TMEM232: variants seen among roughly 807,000 people sequenced by gnomAD.
The protein encoded by TMEM232 is transmembrane protein 232.
A neutral mutation model predicts 78.8 loss-of-function variants in TMEM232; 80 were observed. The observed-to-expected ratio is 1.01, with a 90% confidence interval of 0.85 to 1.22. The LOEUF (loss-of-function observed/expected upper bound fraction) is 1.22, where lower values mean the gene tolerates loss of function less well. Among genes scored for constraint, TMEM232 ranks in the 50% most tolerant of loss-of-function variants. The pLI is 0.00. For synonymous variants in TMEM232, 297 were observed against 254.3 expected (o/e 1.17, Z -1.60); for missense variants, 881 against 742.2 (o/e 1.19, Z -2.17).
At chr5:110,666,580 T>C (rs887184699) in intron 2 of TMEM232, 5 of 152,260 alleles carry the variant, frequency 3.3e-5, no homozygotes, top group African/African-American at 7.2e-5. Context: ...ATGCACTGAC[T>C]AGGTTTACTT....
chr5:110,452,971 A>G (rs1760485635), intron 12 of TMEM232, among the ~76,000 whole-genome samples: 2 of 152,206 alleles, frequency 1.3e-5, no homozygotes, highest in Non-Finnish European at 2.9e-5. Context: ...TGATTGAAGT[A>G]CCTGGAAAAC....
At position 110,454,713 on chromosome 5, in the gene TMEM232, T is replaced by C. The variant is rs139287413; in HGVS notation, c.1704-29797A>G. Among the ~76,000 whole-genome samples, 939 of 152,046 alleles carry C rather than the reference T, an allele frequency of 6.2e-3. 8 individuals are homozygous for C. Among genetic ancestry groups the C allele is most frequent in the South Asian group, 0.015 (70 of 4,822 alleles). The stretch of plus-strand genomic sequence containing the variant: ...AGAGGAAAATGTATAAAGGAAGGTG[T>C]GTAACATTAAATGTTTATATTAGAA... On this transcript the variant is annotated intron_variant, in intron 12 of 13. Transcript: ENST00000455884.
chr5:110,658,718 T>C (rs924540492), intron 2 of TMEM232, among the ~76,000 whole-genome samples: 1 of 152,268 alleles, frequency 6.6e-6, no homozygotes, highest in South Asian at 2.1e-4. Flanking sequence ...ATGTAATTAT[T>C]AATCCCAAAG....
chr5:110,505,260 G>C (rs956401823), intron 12 of TMEM232, among the ~76,000 whole-genome samples: 7 of 152,138 alleles, frequency 4.6e-5, no homozygotes, highest in African/African-American at 1.7e-4. Flanking sequence ...TCTTCCGTGG[G>C]AATGACTCTT....
chr5:110,656,537 C>A (rs114715977), intron 2 of TMEM232, among the ~76,000 whole-genome samples: 1,781 of 152,094 alleles, frequency 0.012, 43 homozygotes, highest in African/African-American at 0.04. Context: ...AATATCAAGA[C>A]TAAATACAAA....
chr5:110,738,891 A>T, upstream of TMEM232: 1 of 1,117,744 alleles, frequency 8.9e-7, no homozygotes, highest in Non-Finnish European at 1.2e-6. Context: ...ACAAACTTTT[A>T]AGGTCCAGGT....
chr5:110,505,632 G>A (rs554613564), intron 12 of TMEM232, among the ~76,000 whole-genome samples: 73 of 152,018 alleles, frequency 4.8e-4, no homozygotes, highest in African/African-American at 1.5e-3. Flanking sequence ...TCAGCCTCCC[G>A]AGCAGCTGGA....
chr5:110,719,178 T>C (rs1020009285), intron 1 of TMEM232, among the ~76,000 whole-genome samples: 1 of 151,802 alleles, frequency 6.6e-6, no homozygotes, highest in Non-Finnish European at 1.5e-5. Flanking sequence ...TATATACATA[T>C]GTATATACAT....
intron 2 of TMEM232, among the ~76,000 whole-genome samples, chr5:110,406,554 T>C (rs1164840145): frequency 6.6e-6 from 1 of 151,956 alleles, no homozygotes; most frequent in Non-Finnish European, 1.5e-5. Context: ...ATATGATGGA[T>C]AAAGTCCTTC....
At chr5:110,561,711 T>C (rs1009698558) in intron 11 of TMEM232, among the ~76,000 whole-genome samples, 4 of 152,086 alleles carry the variant, frequency 2.6e-5, no homozygotes, top group African/African-American at 9.7e-5. Flanking sequence ...GAACAGAGAA[T>C]GGTTCTACTG....
At chr5:110,560,519 T>C (rs76828397) in intron 11 of TMEM232, among the ~76,000 whole-genome samples, 4,049 of 152,114 alleles carry the variant, frequency 0.027, 182 homozygotes, top group African/African-American at 0.091. Flanking sequence ...ATTTGAGCAA[T>C]AGCAACAAAA....
chr5:110,460,711 A>G (rs555109545), intron 12 of TMEM232, among the ~76,000 whole-genome samples: 18 of 149,358 alleles, frequency 1.2e-4, no homozygotes, highest in African/African-American at 4.0e-4. Flanking sequence ...TGGCAACTTT[A>G]TATCGAGCAA....
intron 1 of TMEM232, among the ~76,000 whole-genome samples, chr5:110,670,342 A>T (rs1459386007): frequency 3.3e-5 from 5 of 152,196 alleles, no homozygotes; most frequent in Admixed American, 2.0e-4. Flanking sequence ...CCAATAACAG[A>T]CAAACAGAGA....
intron 12 of TMEM232, among the ~76,000 whole-genome samples, chr5:110,438,634 A>C (rs1758692288): frequency 6.6e-6 from 1 of 152,072 alleles, no homozygotes; most frequent in South Asian, 2.1e-4. Context: ...CCGCAAGCAG[A>C]ATTTGCAGAA....
chr5:110,648,613 T>C (rs564293075), intron 2 of TMEM232, among the ~76,000 whole-genome samples: 1 of 152,176 alleles, frequency 6.6e-6, no homozygotes, highest in Non-Finnish European at 1.5e-5. Flanking sequence ...TCTAATTCCA[T>C]TCCCCTAAAA....
chr5:110,519,104 A>C (rs1052253659), intron 12 of TMEM232, among the ~76,000 whole-genome samples: 2 of 152,210 alleles, frequency 1.3e-5, no homozygotes, highest in African/African-American at 4.8e-5. Context: ...ATTATGGCCA[A>C]ATAAATTCTG....
chr5:110,563,772 C>T (rs1300496464), intron 11 of TMEM232, among the ~76,000 whole-genome samples: 1 of 151,798 alleles, frequency 6.6e-6, no homozygotes, highest in Non-Finnish European at 1.5e-5. Flanking sequence ...TTTTCTTTTA[C>T]TTTGGGGCTC....
chr5:110,624,187 T>C (rs532269843), intron 7 of TMEM232, among the ~76,000 whole-genome samples: 20 of 152,290 alleles, frequency 1.3e-4, no homozygotes, highest in African/African-American at 3.6e-4. Flanking sequence ...CTTATATCCT[T>C]AGATGAAAAT....
intron 2 of TMEM232, among the ~76,000 whole-genome samples, chr5:110,665,367 C>A (rs879508242): frequency 1.3e-5 from 2 of 151,996 alleles, no homozygotes; most frequent in African/African-American, 2.4e-5. Flanking sequence ...TGTATTAGTC[C>A]GTTCTCACAC....
Sources: allele counts gnomAD v4.1 joint callset (sites outside exome capture counted in the v4.1 genomes callset), GRCh38; gene constraint gnomAD v4.1.1; transcripts MANE v1.5; gene names NCBI Gene and HGNC (gene_info 2026-07-23, HGNC 2026-07-21).